RAB3C: variants seen among roughly 807,000 people sequenced by gnomAD.
RAB3C encodes the protein RAB3C, member RAS oncogene family, also known as ras-related protein Rab-3C.
In RAB3C, 17 loss-of-function variants were observed where a neutral mutation model predicts 26.4. The observed-to-expected ratio is 0.64, with a 90% CI of 0.44 to 0.97. The LOEUF is 0.97. RAB3C is among the 50% of genes least tolerant of loss of function. RAB3C has a pLI of 0.00. For missense variants in RAB3C, 242 were observed against 281.9 expected, an observed-to-expected ratio of 0.86 and a Z score of 1.01; for synonymous variants, 91 against 95.9, an observed-to-expected ratio of 0.95 and a Z score of 0.30.
At chr5:58,664,255 G>A (rs954543981) in intron 2 of RAB3C, among the ~76,000 whole-genome samples, 7 of 152,110 alleles carry the variant, frequency 4.6e-5, no homozygotes, top group African/African-American at 1.7e-4. Flanking sequence ...TTAAACAAAT[G>A]TGGCAAATCC....
intron 1 of RAB3C, among the ~76,000 whole-genome samples, chr5:58,603,722 T>C (rs1579811357): frequency 6.6e-6 from 1 of 152,328 alleles, no homozygotes; most frequent in East Asian, 1.9e-4. Flanking sequence ...GTATCATTTT[T>C]TGGATTTCCT....
At chr5:58,596,404 T>C (rs1473437027) in intron 1 of RAB3C, among the ~76,000 whole-genome samples, 1 of 149,472 alleles carries the variant, frequency 6.7e-6, no homozygotes, top group Non-Finnish European at 1.5e-5. Flanking sequence ...ATTTTGCTCT[T>C]GTGAAATCCC....
chr5:58,701,303 G>T (rs1748838194), intron 2 of RAB3C, among the ~76,000 whole-genome samples: 1 of 152,104 alleles, frequency 6.6e-6, no homozygotes. Context: ...GCCCGGCCTA[G>T]TTCATTTTTT....
chr5:58,682,127 T>C (rs1216105874), intron 2 of RAB3C, among the ~76,000 whole-genome samples: 2 of 152,044 alleles, frequency 1.3e-5, no homozygotes, highest in African/African-American at 2.4e-5. Context: ...TTTGGAAGTA[T>C]TGAGTGTGGG....
At chr5:58,686,007 G>A (rs1158196) in intron 2 of RAB3C, among the ~76,000 whole-genome samples, 31,559 of 152,074 alleles carry the variant, frequency 0.21, 3,340 homozygotes, top group East Asian at 0.33. Flanking sequence ...GACATGATTA[G>A]ATATGTAATT....
chr5:58,851,148 TGTG>T lies in RAB3C; in HGVS notation c.497-15_497-13del, dbSNP rs1335991437. Reference sequence around the variant, plus strand: ...ATGCAAAATAACCAAGATGTGTTTCTGTGTGTTTCTTCCAGGGTTTGAGTTTTT... The same window carrying T: ...ATGCAAAATAACCAAGATGTGTTTCTTGTTTCTTCCAGGGTTTGAGTTTTT... On this transcript the variant is annotated splice_polypyrimidine_tract_variant and intron_variant, in intron 4 of 4. Coordinates refer to ENST00000282878, the MANE Select transcript of RAB3C (RefSeq NM_138453.4). 1.3e-6 allele frequency: 2 copies of T among 1,582,760 alleles called. No homozygotes were observed. Among genetic ancestry groups the T allele is most frequent in the East Asian group, 2.2e-5 (1 of 44,594 alleles).
chr5:58,628,866 A>C (rs868737721), intron 2 of RAB3C, among the ~76,000 whole-genome samples: 3 of 151,970 alleles, frequency 2.0e-5, no homozygotes, highest in African/African-American at 7.3e-5. Context: ...TCTGACAAAC[A>C]TGTTTCCTCC....
At chr5:58,738,008 G>C (rs143088002) in intron 3 of RAB3C, among the ~76,000 whole-genome samples, 1 of 152,140 alleles carries the variant, frequency 6.6e-6, no homozygotes, top group Admixed American at 6.5e-5. Context: ...TTTTTGGATG[G>C]GGGTATATTT....
At chr5:58,645,281 C>T (rs866660585) in intron 2 of RAB3C, among the ~76,000 whole-genome samples, 43 of 152,154 alleles carry the variant, frequency 2.8e-4, no homozygotes, top group African/African-American at 9.9e-4. Context: ...TGAGAGATCA[C>T]CAGATTCTAA....
intron 3 of RAB3C, among the ~76,000 whole-genome samples, chr5:58,753,783 G>A (rs1303182536): frequency 6.6e-6 from 1 of 152,198 alleles, no homozygotes; most frequent in African/African-American, 2.4e-5. Flanking sequence ...GGCTGGTGGT[G>A]TCTGGGATGA....
chr5:58,688,925 G>A (rs1035661141), intron 2 of RAB3C, among the ~76,000 whole-genome samples: 6 of 152,016 alleles, frequency 3.9e-5, no homozygotes, highest in African/African-American at 1.4e-4. Context: ...GTTAACACTT[G>A]GTAGTGAGTT....
intron 4 of RAB3C, among the ~76,000 whole-genome samples, chr5:58,831,932 T>C (rs183763484): frequency 2.0e-5 from 3 of 152,318 alleles, no homozygotes; most frequent in East Asian, 1.9e-4. Context: ...GCCAACTAAA[T>C]TGGAATCTCT....
rs574249049 is a variant in RAB3C at position 58,854,827 on chromosome 5, C to T, written c.*3476C>T. 6 of 118,518 alleles carry T rather than the reference C, an allele frequency of 5.1e-5. No homozygotes were observed. The East Asian group carries it at 1.3e-3, about 25-fold the overall frequency. The allele number at this position is 118,518 out of a possible 1,614,324, so 7.3% of individuals were successfully genotyped here. On this transcript the variant is annotated 3_prime_UTR_variant, in exon 5 of 5. Coordinates refer to ENST00000282878, the MANE Select transcript of RAB3C (RefSeq NM_138453.4). ...TTACAACCCAAATTATACAAGACAT[C>T]AAAACACTCAGTAAACAAATATATA...
chr5:58,742,833 CA>C (rs1396699748), intron 3 of RAB3C, among the ~76,000 whole-genome samples: 5 of 152,098 alleles, frequency 3.3e-5, no homozygotes, highest in African/African-American at 1.2e-4. Flanking sequence ...GCAGATAAGA[CA>C]GCTTCTTGTA....
intron 1 of RAB3C, among the ~76,000 whole-genome samples, chr5:58,587,023 C>T (rs1746021709): frequency 6.6e-6 from 1 of 152,144 alleles, no homozygotes; most frequent in Admixed American, 6.5e-5. Flanking sequence ...TTTACAGAAA[C>T]AGAAAATCCC....
At chr5:58,607,795 C>G (rs1015659246) in intron 1 of RAB3C, among the ~76,000 whole-genome samples, 4 of 152,150 alleles carry the variant, frequency 2.6e-5, no homozygotes, top group Non-Finnish European at 5.9e-5. Context: ...ATCCCAGAAT[C>G]TCATATCCAG....
At chr5:58,621,787 G>A (rs1746946497) in intron 2 of RAB3C, among the ~76,000 whole-genome samples, 2 of 152,072 alleles carry the variant, frequency 1.3e-5, no homozygotes, top group Admixed American at 1.3e-4. Context: ...TGTTGGCCAA[G>A]CTGGTCTCAA....
chr5:58,658,832 G>A (rs1291703355), intron 2 of RAB3C, among the ~76,000 whole-genome samples: 3 of 152,122 alleles, frequency 2.0e-5, no homozygotes, highest in Admixed American at 2.0e-4. Flanking sequence ...GACCACCCTG[G>A]GTTTGTCTAG....
At chr5:58,817,507 C>T (rs1429109640) in intron 3 of RAB3C, among the ~76,000 whole-genome samples, 1 of 151,524 alleles carries the variant, frequency 6.6e-6, no homozygotes, top group Non-Finnish European at 1.5e-5. Flanking sequence ...GTTCCTGTTT[C>T]TGGTTTCTTA....
Sources: gnomAD v4.1 joint callset for allele counts (sites outside exome capture counted in the v4.1 genomes callset) on GRCh38, gnomAD v4.1.1 for gene constraint, MANE v1.5 for transcripts, NCBI Gene and HGNC (gene_info 2026-07-23, HGNC 2026-07-21) for gene names.